VKORC1L1: variants seen among roughly 807,000 people sequenced by gnomAD.
VKORC1L1 encodes the protein vitamin K epoxide reductase complex subunit 1L1.
Under a neutral mutation model 18.9 loss-of-function variants are expected in VKORC1L1, and 2 were observed. The observed-to-expected ratio is 0.11, with a 90% CI of 0.04 to 0.33. The LOEUF (loss-of-function observed/expected upper bound fraction) is 0.33. VKORC1L1 is among the 10% of genes least tolerant of loss of function. The pLI is 1.00. For synonymous variants in VKORC1L1, 96 were observed against 100.0 expected, an observed-to-expected ratio of 0.96 and a Z score of 0.24; for missense variants, 123 against 224.1, an observed-to-expected ratio of 0.55 and a Z score of 2.88.
chr7:65,927,323 T>C (rs908020288), intron 1 of VKORC1L1, among the ~76,000 whole-genome samples: 6 of 152,050 alleles, frequency 3.9e-5, no homozygotes, highest in African/African-American at 1.4e-4. Flanking sequence ...ATGGGTACAA[T>C]GTACACTAAT....
At chr7:65,905,417 T>C (rs992928693) in intron 1 of VKORC1L1, among the ~76,000 whole-genome samples, 1 of 152,044 alleles carries the variant, frequency 6.6e-6, no homozygotes, top group African/African-American at 2.4e-5. Context: ...TTCATGCCAT[T>C]TCCTGCCTCA....
At chr7:65,890,216 C>T (rs1308882755) in intron 1 of VKORC1L1, among the ~76,000 whole-genome samples, 1 of 147,990 alleles carries the variant, frequency 6.8e-6, no homozygotes, top group African/African-American at 2.5e-5. Context: ...CTGCAGCCTC[C>T]ACCTCCTGGG....
In VKORC1L1 at chr7:65,873,284, T is replaced by A. The variant is rs371974807; in HGVS notation, c.-88T>A. On this transcript the variant is annotated 5_prime_UTR_variant, in exon 1 of 3. Coordinates refer to ENST00000360768, the MANE Select transcript of VKORC1L1 (RefSeq NM_173517.6). ...GTGGCGGCGGCGGCGGAGGCGGCGG[T>A]GGCGGCGGTGGCGGCTGGGTCGGGC... 28 of 979,878 alleles carry A rather than the reference T, an allele frequency of 2.9e-5. No individual in the cohort carries two copies. The East Asian group carries it at 8.9e-4, about 31-fold the overall frequency. The allele number at this position is 979,878 out of a possible 1,614,324, so 60.7% of individuals were successfully genotyped here. A position where few individuals can be genotyped will look rare whatever the true frequency, so the allele number is the denominator to read the frequency against.
intron 1 of VKORC1L1, among the ~76,000 whole-genome samples, chr7:65,896,925 G>A (rs989626981): frequency 2.0e-5 from 3 of 152,246 alleles, no homozygotes; most frequent in African/African-American, 7.2e-5. Flanking sequence ...CTTGAACCTG[G>A]GAGGTGGAGG....
chr7:65,904,937 T>G (rs764393403), intron 1 of VKORC1L1, among the ~76,000 whole-genome samples: 4 of 152,198 alleles, frequency 2.6e-5, no homozygotes, highest in Non-Finnish European at 5.9e-5. Context: ...TATGTATGTA[T>G]ATATGTATGT....
chr7:65,872,893 A>G (rs1053144513), upstream of VKORC1L1, among the ~76,000 whole-genome samples: 4 of 151,960 alleles, frequency 2.6e-5, no homozygotes, highest in Non-Finnish European at 4.4e-5. Context: ...CATCCTTGCA[A>G]TGTGCTAGTT....
At chr7:65,879,836 TCTTTC>T (rs1019526751) in intron 1 of VKORC1L1, among the ~76,000 whole-genome samples, 2 of 151,384 alleles carry the variant, frequency 1.3e-5, no homozygotes, top group Non-Finnish European at 2.9e-5. Context: ...CCTTTTTTTT[TCTTTC>T]CTTTCTTTTC....
chr7:65,866,696 G>C, the VKORC1L1 span, among the ~76,000 whole-genome samples: 56 of 152,040 alleles, frequency 3.7e-4, 1 homozygote, highest in Non-Finnish European at 1.2e-4. Context: ...CATCACTTGA[G>C]CCCAAAAGGT....
intron 1 of VKORC1L1, among the ~76,000 whole-genome samples, chr7:65,923,001 C>T (rs2115629040): frequency 1.3e-5 from 2 of 152,206 alleles, no homozygotes; most frequent in South Asian, 4.2e-4. Flanking sequence ...TGCTTTTGTC[C>T]TATTCTTCCC....
intron 1 of VKORC1L1, among the ~76,000 whole-genome samples, chr7:65,896,263 T>C (rs1352370198): frequency 2.0e-5 from 3 of 152,092 alleles, no homozygotes; most frequent in African/African-American, 7.2e-5. Flanking sequence ...TATATTGCAG[T>C]TCTTCTTTAG....
At chr7:65,890,385 C>T (rs775828342) in intron 1 of VKORC1L1, among the ~76,000 whole-genome samples, 2 of 152,172 alleles carry the variant, frequency 1.3e-5, no homozygotes, top group Non-Finnish European at 2.9e-5. Context: ...CCTGCCTCGG[C>T]CTCCCAAAAT....
At chr7:65,933,215 T>TGA (rs774704501) in intron 1 of VKORC1L1, among the ~76,000 whole-genome samples, 1 of 151,920 alleles carries the variant, frequency 6.6e-6, no homozygotes, top group Non-Finnish European at 1.5e-5. Flanking sequence ...TGTCCATTAC[T>TGA]GAGAGAGAGA....
chr7:65,947,545 T>A (rs1307864211), intron 1 of VKORC1L1, among the ~76,000 whole-genome samples: 5 of 151,958 alleles, frequency 3.3e-5, no homozygotes, highest in African/African-American at 9.7e-5. Flanking sequence ...GTTAACAATT[T>A]AAAAAAAATC....
intron 1 of VKORC1L1, among the ~76,000 whole-genome samples, chr7:65,947,574 G>A (rs1790143118): frequency 6.6e-6 from 1 of 152,092 alleles, no homozygotes; most frequent in African/African-American, 2.4e-5. Flanking sequence ...AAAATGTTAA[G>A]TCAAATGCAA....
intron 1 of VKORC1L1, among the ~76,000 whole-genome samples, chr7:65,914,104 G>A (rs1367224876): frequency 6.6e-6 from 1 of 152,060 alleles, no homozygotes; most frequent in East Asian, 1.9e-4. Context: ...TAAATCTTCA[G>A]TGCCTTTATT....
Position 65,900,055 on chromosome 7 carries a change from G to A in VKORC1L1, c.194+26490G>A, listed in dbSNP as rs1385903581. On this transcript the variant is annotated intron_variant, in intron 1 of 2. Coordinates refer to ENST00000360768, the MANE Select transcript of VKORC1L1 (RefSeq NM_173517.6). The stretch of plus-strand genomic sequence containing the variant: ...CATGTGCACGCACGTGTGTGTGTGT[G>A]TGTGTGTGTGTGTGTGTGTGTGTGT... Among the ~76,000 whole-genome samples, 215 of 42,924 alleles carry A rather than the reference G, an allele frequency of 5.0e-3. 1 individual carries two copies. The highest frequency in any genetic ancestry group is 0.012 in the African/African-American group (209 of 17,582). The allele number at this position is 42,924 out of a possible 152,430, so 28.2% of individuals were successfully genotyped here.
chr7:65,893,340 G>A (rs1244431930), intron 1 of VKORC1L1, among the ~76,000 whole-genome samples: 2 of 152,136 alleles, frequency 1.3e-5, no homozygotes, highest in African/African-American at 2.4e-5. Context: ...TTAGGAGTTC[G>A]AGACCAGCCT....
At chr7:65,920,498 T>C (rs1181568982) in intron 1 of VKORC1L1, among the ~76,000 whole-genome samples, 2 of 152,116 alleles carry the variant, frequency 1.3e-5, no homozygotes, top group Non-Finnish European at 2.9e-5. Context: ...GATTAACATA[T>C]AGATTCGTGT....
rs34906605 is a variant in VKORC1L1 at position 65,883,136 on chromosome 7, C to CTTTT, written c.194+9590_194+9593dup. On this transcript the variant is annotated intron_variant, in intron 1 of 2. Transcript: ENST00000360768. ...TCATTATACATGTTATACATTTGAG[C>CTTTT]TTTTTTTTTTTTTTTTTTTTTTGGA... 6.1e-4 allele frequency among the ~76,000 whole-genome samples: 67 copies of CTTTT among 109,584 alleles called. 1 individual carries two copies. The highest frequency in any genetic ancestry group is 1.6e-3 in the African/African-American group (41 of 25,318). The allele number at this position is 109,584 out of a possible 152,430, so 71.9% of individuals were successfully genotyped here. A position where few individuals can be genotyped will look rare whatever the true frequency, so the allele number is the denominator to read the frequency against.
Sources: gnomAD v4.1 joint callset for allele counts (sites outside exome capture counted in the v4.1 genomes callset) on GRCh38, gnomAD v4.1.1 for gene constraint, MANE v1.5 for transcripts, NCBI Gene and HGNC (gene_info 2026-07-23, HGNC 2026-07-21) for gene names.